ATP9A: variants seen among roughly 807,000 people sequenced by gnomAD.
ATP9A encodes the protein probable phospholipid-transporting ATPase IIA.
In ATP9A, 52 loss-of-function variants were observed where a neutral mutation model predicts 144.1. That is an observed-to-expected ratio of 0.36 (90% CI 0.29 to 0.45). The LOEUF is 0.45. ATP9A is among the 20% of genes least tolerant of loss of function. ATP9A has a pLI of 1.00. For missense variants in ATP9A, 947 were observed against 1,392.7 expected, an observed-to-expected ratio of 0.68 and a Z score of 5.09; for synonymous variants, 582 against 557.4, an observed-to-expected ratio of 1.04 and a Z score of -0.62.
intron 1 of ATP9A, among the ~76,000 whole-genome samples, chr20:51,752,338 G>A (rs919359930): frequency 2.6e-5 from 4 of 152,190 alleles, no homozygotes; most frequent in Non-Finnish European, 5.9e-5. Context: ...AGACACCAAC[G>A]GAGTTTAACA....
At chr20:51,667,554 G>A (rs1257239643) in intron 13 of ATP9A, among the ~76,000 whole-genome samples, 1 of 152,170 alleles carries the variant, frequency 6.6e-6, no homozygotes, top group Non-Finnish European at 1.5e-5. Context: ...TGCCTGGAAG[G>A]CTGAAACATG....
intron 11 of ATP9A, among the ~76,000 whole-genome samples, chr20:51,672,576 A>G (rs2077460575): frequency 6.6e-6 from 1 of 152,196 alleles, no homozygotes; most frequent in African/African-American, 2.4e-5. Context: ...TCCCTGTCAC[A>G]CTGTTTTACA....
In ATP9A at chr20:51,739,527, G is replaced by GT. The variant is rs372460997; in HGVS notation, c.69-9550dup. On this transcript the variant is annotated intron_variant, in intron 1 of 27. Transcript: ENST00000338821. ...CCACCATGCCCGGCTAATTTTTTGTGTTTTTTTTAGCAGAGACAGGGTTTC... is the reference window on the plus strand; with the variant it reads ...CCACCATGCCCGGCTAATTTTTTGTGTTTTTTTTTAGCAGAGACAGGGTTTC... Among the ~76,000 whole-genome samples, 966 of 151,132 alleles carry GT rather than the reference G, an allele frequency of 6.4e-3. 16 individuals carry two copies. The highest frequency in any genetic ancestry group is 0.035 in the East Asian group (179 of 5,098).
intron 1 of ATP9A, among the ~76,000 whole-genome samples, chr20:51,757,675 T>C (rs754938400): frequency 2.7e-4 from 41 of 151,922 alleles, no homozygotes; most frequent in Non-Finnish European, 4.4e-4. Context: ...CAGGCAGAGG[T>C]TGGCGGACTG....
At chr20:51,685,422 C>A (rs1246247237) in intron 9 of ATP9A, among the ~76,000 whole-genome samples, 1 of 151,944 alleles carries the variant, frequency 6.6e-6, no homozygotes, top group Admixed American at 6.6e-5. Context: ...GTTAGCTGGG[C>A]GTGTTGGCGG....
At chr20:51,678,945 C>T (rs1000564123) in intron 9 of ATP9A, among the ~76,000 whole-genome samples, 6 of 152,132 alleles carry the variant, frequency 3.9e-5, no homozygotes, top group Admixed American at 6.6e-5. Context: ...ACGCACACAC[C>T]GGATGCGCCT....
intron 15 of ATP9A, among the ~76,000 whole-genome samples, chr20:51,630,575 GCCTGTAATC>G (rs2077266179): frequency 6.6e-6 from 1 of 152,100 alleles, no homozygotes; most frequent in Non-Finnish European, 1.5e-5. Context: ...GGTGGTGCAT[GCCTGTAATC>G]CCAGCTACTC....
At chr20:51,756,176 G>C (rs6021419) in intron 1 of ATP9A, among the ~76,000 whole-genome samples, 1 of 152,018 alleles carries the variant, frequency 6.6e-6, no homozygotes, top group African/African-American at 2.4e-5. Flanking sequence ...CCAAGAACAA[G>C]GTGTCAGCAG....
chr20:51,618,811 AG>A lies in ATP9A; in HGVS notation c.2206-6del. 4 of 1,584,322 alleles carry A rather than the reference AG, an allele frequency of 2.5e-6. No homozygotes were observed. Among genetic ancestry groups the A allele is most frequent in the Non-Finnish European group, 3.4e-6 (4 of 1,162,828 alleles). On this transcript the variant is annotated splice_polypyrimidine_tract_variant and splice_region_variant and intron_variant, in intron 20 of 27. Transcript: ENST00000338821. Reference sequence around the variant, plus strand: ...CTCATAGTACTTGAGGCAAACCTGCAGGGTGGAGGGAGAGGTGGTGCGTTGG... The same window carrying A: ...CTCATAGTACTTGAGGCAAACCTGCAGGTGGAGGGAGAGGTGGTGCGTTGG...
chr20:51,614,624 G>A (rs2077196131), intron 22 of ATP9A, among the ~76,000 whole-genome samples: 1 of 152,110 alleles, frequency 6.6e-6, no homozygotes, highest in Admixed American at 6.6e-5. Flanking sequence ...TTAAAAGGCA[G>A]TGACAGCCAG....
At chr20:51,759,257 G>A (rs535338874) in intron 1 of ATP9A, among the ~76,000 whole-genome samples, 22 of 152,344 alleles carry the variant, frequency 1.4e-4, no homozygotes, top group African/African-American at 3.4e-4. Flanking sequence ...GGGGAAGGTC[G>A]GTGGCTGAGG....
intron 7 of ATP9A, among the ~76,000 whole-genome samples, chr20:51,693,469 G>A (rs150207312): frequency 5.1e-4 from 77 of 152,248 alleles, no homozygotes; most frequent in African/African-American, 1.8e-3. Flanking sequence ...AGCAAGCACC[G>A]CAGAACTGAT....
At chr20:51,742,575 C>T (rs932617816) in intron 1 of ATP9A, among the ~76,000 whole-genome samples, 5 of 151,890 alleles carry the variant, frequency 3.3e-5, no homozygotes, top group African/African-American at 4.8e-5. Flanking sequence ...AGTGCAGTGG[C>T]GCGATCTCAG....
chr20:51,722,147 A>C (rs942046855), intron 3 of ATP9A, among the ~76,000 whole-genome samples: 1 of 152,164 alleles, frequency 6.6e-6, no homozygotes, highest in South Asian at 2.1e-4. Flanking sequence ...CATGTAGGAG[A>C]ATGAAACTGG....
intron 4 of ATP9A, among the ~76,000 whole-genome samples, chr20:51,703,002 T>TTGC (rs2077600781): frequency 6.7e-6 from 1 of 148,856 alleles, no homozygotes; most frequent in African/African-American, 2.5e-5. Flanking sequence ...TTTGTTGTTG[T>TTGC]TTTGTTTTGG....
intron 26 of ATP9A, among the ~76,000 whole-genome samples, chr20:51,605,336 C>A (rs1037129707): frequency 6.6e-6 from 1 of 152,148 alleles, no homozygotes; most frequent in Admixed American, 6.5e-5. Context: ...GATGGAGTCG[C>A]GGCCAGGCGC....
chr20:51,730,318 A>T (rs1020440607), intron 1 of ATP9A, among the ~76,000 whole-genome samples: 4 of 152,044 alleles, frequency 2.6e-5, no homozygotes, highest in Admixed American at 2.0e-4. Context: ...AAATACAAAA[A>T]TTAGCCGGGC....
chr20:51,751,189 C>G (rs966846488), intron 1 of ATP9A, among the ~76,000 whole-genome samples: 1 of 152,032 alleles, frequency 6.6e-6, no homozygotes, highest in South Asian at 2.1e-4. Context: ...GTGGGCCCTG[C>G]CACCACTTAT....
rs1348607771 is a variant in ATP9A, at chr20:51,694,131, T to C, written c.548-29A>G. 4 of 1,588,178 alleles carry C rather than the reference T, an allele frequency of 2.5e-6. No homozygotes were observed. In the Admixed American group the frequency reaches 5.0e-5, roughly 20 times the overall value. On this transcript the variant is annotated intron_variant, in intron 6 of 27. Coordinates refer to ENST00000338821, the MANE Select transcript of ATP9A (RefSeq NM_006045.3). ...TGGAAGGAAGTCGGGTGCCGTCACC[T>C]GCACCTCAAGCACCCTTCCCTTGGC... is the stretch of plus-strand genomic sequence containing the variant.
Sources: allele counts gnomAD v4.1 joint callset (sites outside exome capture counted in the v4.1 genomes callset), GRCh38; gene constraint gnomAD v4.1.1; transcripts MANE v1.5; gene names NCBI Gene and HGNC (gene_info 2026-07-23, HGNC 2026-07-21).